EPHA5: variants seen among roughly 807,000 people sequenced by gnomAD.
EPHA5 encodes the protein EPH receptor A5, also known as ephrin type-A receptor 5.
Under a neutral mutation model 105.0 loss-of-function variants are expected in EPHA5, and 60 were observed. The ratio of observed to expected loss-of-function variants is 0.57; its 90% CI spans 0.46 to 0.71. The LOEUF is 0.71. Ranked by LOEUF, EPHA5 falls within the 30% of genes least tolerant of loss-of-function variation. EPHA5 has a pLI of 0.00. For missense variants in EPHA5, 1,218 were observed against 1,274.7 expected (o/e 0.96, Z 0.68); for synonymous variants, 513 against 449.1 (o/e 1.14, Z -1.80).
At chr4:65,365,877 T>G in intron 10 of EPHA5, 55 bp downstream of exon 10, 1 of 1,570,092 alleles carries the variant, frequency 6.4e-7, no homozygotes, top group South Asian at 1.1e-5. Flanking sequence ...ACTGGTATAT[T>G]ACATTCTGGA....
At chr4:65,607,551 C>T (rs1244880181) in intron 2 of EPHA5, among the ~76,000 whole-genome samples, 5 of 152,090 alleles carry the variant, frequency 3.3e-5, no homozygotes, top group Non-Finnish European at 5.9e-5. Context: ...CAAAAGAAGA[C>T]ATTTATGCAG....
At chr4:65,544,457 C>T (rs1431217281) in intron 3 of EPHA5, among the ~76,000 whole-genome samples, 1 of 151,656 alleles carries the variant, frequency 6.6e-6, no homozygotes, top group Non-Finnish European at 1.5e-5. Context: ...ATTTATGTGG[C>T]CAAGAAACAT....
chr4:65,536,544 C>T (rs991272766), intron 3 of EPHA5, among the ~76,000 whole-genome samples: 1 of 151,780 alleles, frequency 6.6e-6, no homozygotes, highest in Non-Finnish European at 1.5e-5. Flanking sequence ...GTCAATTTTA[C>T]AGTACTCCTT....
At chr4:65,443,598 G>C (rs1458363757) in intron 5 of EPHA5, among the ~76,000 whole-genome samples, 1 of 152,040 alleles carries the variant, frequency 6.6e-6, no homozygotes, top group Non-Finnish European at 1.5e-5. Flanking sequence ...GTGCAATGAG[G>C]CTGGTTCTAG....
chr4:65,514,751 C>A (rs1267362672), intron 3 of EPHA5, among the ~76,000 whole-genome samples: 3 of 152,130 alleles, frequency 2.0e-5, no homozygotes, highest in Non-Finnish European at 4.4e-5. Context: ...CTCATGCCAT[C>A]AAACTATATA....
At chr4:65,535,376 C>T (rs917577425) in intron 3 of EPHA5, among the ~76,000 whole-genome samples, 1 of 152,024 alleles carries the variant, frequency 6.6e-6, no homozygotes, top group African/African-American at 2.4e-5. Flanking sequence ...TATTGTAGAA[C>T]AGAAGGGTGA....
intron 3 of EPHA5, among the ~76,000 whole-genome samples, chr4:65,588,247 C>A (rs1339426954): frequency 1.3e-5 from 2 of 152,068 alleles, no homozygotes; most frequent in Non-Finnish European, 1.5e-5. Context: ...CCTTACCATT[C>A]CGGTTAAAAT....
Position 65,516,543 on chromosome 4 carries a change from T to C in EPHA5, c.911-21000A>G, listed in dbSNP as rs1560633811. Reference sequence around the variant, plus strand: ...AACCCTTGTCCAAGGGTCAACTCTGTGTGTGTGTGTGTGTTTGTGTGGGCA... The same window carrying C: ...AACCCTTGTCCAAGGGTCAACTCTGCGTGTGTGTGTGTGTTTGTGTGGGCA... On this transcript the variant is annotated intron_variant, in intron 3 of 16. Transcript: ENST00000613740. Among the ~76,000 whole-genome samples the C allele has an allele frequency of 2.7e-5, 4 of 150,878 alleles. No homozygotes were observed. In the South Asian group the frequency reaches 8.3e-4, roughly 31 times the overall value.
At chr4:65,557,352 A>G (rs937188454) in intron 3 of EPHA5, among the ~76,000 whole-genome samples, 3 of 150,186 alleles carry the variant, frequency 2.0e-5, no homozygotes, top group Non-Finnish European at 3.0e-5. Context: ...ATCTGTAACT[A>G]ATGTATTGAA....
chr4:65,325,274 C>T lies in EPHA5; in HGVS notation c.2946-1055G>A, dbSNP rs563590525. On this transcript the variant is annotated intron_variant, in intron 16 of 16. Coordinates refer to ENST00000613740, the MANE Select transcript of EPHA5 (RefSeq NM_001281766.3). ...ACATTAGAATAATCACAGGTAGAAACTGAATAGTTTTAATTGTTCTTTGAA... is the reference window on the plus strand; with the variant it reads ...ACATTAGAATAATCACAGGTAGAAATTGAATAGTTTTAATTGTTCTTTGAA... 4.6e-5 allele frequency among the ~76,000 whole-genome samples: 7 copies of T among 151,342 alleles called. No homozygotes were observed. In the South Asian group the frequency reaches 1.5e-3, roughly 31 times the overall value.
intron 1 of EPHA5, among the ~76,000 whole-genome samples, chr4:65,658,676 C>T (rs563432901): frequency 6.6e-6 from 1 of 152,168 alleles, no homozygotes; most frequent in South Asian, 2.1e-4. Flanking sequence ...ATTTCACAGA[C>T]AAGAAAACAG....
At chr4:65,657,589 A>T (rs1749185290) in intron 1 of EPHA5, among the ~76,000 whole-genome samples, 2 of 152,144 alleles carry the variant, frequency 1.3e-5, no homozygotes, top group Admixed American at 1.3e-4. Context: ...AGAATCTTTT[A>T]GTTGGTAACT....
intron 5 of EPHA5, among the ~76,000 whole-genome samples, chr4:65,483,254 C>T (rs563791693): frequency 6.6e-6 from 1 of 152,264 alleles, no homozygotes; most frequent in African/African-American, 2.4e-5. Flanking sequence ...TTAATCCAGT[C>T]TATCATTGTT....
At chr4:65,461,938 A>C (rs73222138) in intron 5 of EPHA5, among the ~76,000 whole-genome samples, 8,452 of 152,130 alleles carry the variant, frequency 0.056, 788 homozygotes, top group African/African-American at 0.19. Context: ...TATAATTGAT[A>C]TTGAATCATT....
chr4:65,540,649 T>C (rs1387306232), intron 3 of EPHA5, among the ~76,000 whole-genome samples: 2 of 151,358 alleles, frequency 1.3e-5, no homozygotes, highest in African/African-American at 4.8e-5. Context: ...AATCAAACAA[T>C]TATTAAAATA....
At chr4:65,650,759 T>C (rs1190405809) in intron 1 of EPHA5, among the ~76,000 whole-genome samples, 1 of 152,092 alleles carries the variant, frequency 6.6e-6, no homozygotes, top group South Asian at 2.1e-4. Flanking sequence ...AATTTTTCAC[T>C]TGAAAAATCT....
intron 13 of EPHA5, among the ~76,000 whole-genome samples, chr4:65,348,707 ATG>A (rs1228105158): frequency 8.2e-6 from 1 of 122,246 alleles, no homozygotes; most frequent in Non-Finnish European, 1.7e-5. Context: ...TAAAATATAT[ATG>A]TGTGTGTATA....
At chr4:65,326,792 G>C (rs1412861187) in intron 16 of EPHA5, among the ~76,000 whole-genome samples, 2 of 151,176 alleles carry the variant, frequency 1.3e-5, no homozygotes, top group African/African-American at 4.8e-5. Flanking sequence ...TAATATATAT[G>C]CTTAAATTGC....
intron 3 of EPHA5, among the ~76,000 whole-genome samples, chr4:65,565,033 AATAG>A (rs1389789074): frequency 4.6e-5 from 7 of 151,858 alleles, no homozygotes; most frequent in South Asian, 2.1e-4. Flanking sequence ...GTTAATTAAA[AATAG>A]ATAGAGGGCT....
Sources: allele counts gnomAD v4.1 joint callset (sites outside exome capture counted in the v4.1 genomes callset), GRCh38; gene constraint gnomAD v4.1.1; transcripts MANE v1.5; gene names NCBI Gene and HGNC (gene_info 2026-07-23, HGNC 2026-07-21).